Variants in KCNQ5 observed in about 807,000 individuals in gnomAD.
The protein encoded by KCNQ5 is potassium voltage-gated channel subfamily Q member 5.
Under a neutral mutation model 98.2 loss-of-function variants are expected in KCNQ5, and 30 were observed. That is an observed-to-expected ratio of 0.31 (90% CI 0.23 to 0.41). The LOEUF is 0.41. KCNQ5 is among the 10% of genes least tolerant of loss of function. The pLI, the probability that KCNQ5 is intolerant of heterozygous loss-of-function variation, is 1.00. For synonymous variants in KCNQ5, 458 were observed against 449.4 expected (o/e 1.02, Z -0.24); for missense variants, 835 against 1,182.5 (o/e 0.71, Z 4.31).
At chr6:72,899,868 C>T (rs1215470356) in intron 1 of KCNQ5, among the ~76,000 whole-genome samples, 1 of 151,128 alleles carries the variant, frequency 6.6e-6, no homozygotes, top group African/African-American at 2.4e-5. Context: ...TTTTCTGAGA[C>T]AGAGTCTCAC....
chr6:72,947,411 G>A (rs935477774), intron 1 of KCNQ5, among the ~76,000 whole-genome samples: 26 of 152,048 alleles, frequency 1.7e-4, no homozygotes, highest in African/African-American at 5.8e-4. Context: ...TAAACATAAC[G>A]GAGATACAAG....
intron 1 of KCNQ5, among the ~76,000 whole-genome samples, chr6:72,764,986 T>G (rs1177581444): frequency 6.6e-6 from 1 of 152,088 alleles, no homozygotes; most frequent in African/African-American, 2.4e-5. Flanking sequence ...TACTGTATTG[T>G]GTATATGTAC....
At chr6:73,144,793 G>A (rs956788173) in intron 10 of KCNQ5, among the ~76,000 whole-genome samples, 1 of 152,222 alleles carries the variant, frequency 6.6e-6, no homozygotes, top group East Asian at 1.9e-4. Flanking sequence ...TGCTCATGTG[G>A]TCTCTCATCC....
intron 11 of KCNQ5, among the ~76,000 whole-genome samples, chr6:73,183,836 G>C (rs1778482021): frequency 6.6e-6 from 1 of 152,184 alleles, no homozygotes. Context: ...CACAGAGTAT[G>C]ATGGCTAAAA....
rs548772153 is a variant in KCNQ5 at position 72,633,631 on chromosome 6, A to G, written c.398+11044A>G. On this transcript the variant is annotated intron_variant, in intron 1 of 13. Coordinates refer to ENST00000370398, the MANE Select transcript of KCNQ5 (RefSeq NM_019842.4). Reference sequence around the variant, plus strand: ...ACAAAGCTGGAGGCATCACTATCTGACTTCAAACTATAAGGCTATACCAAA... The same window carrying G: ...ACAAAGCTGGAGGCATCACTATCTGGCTTCAAACTATAAGGCTATACCAAA... 2.0e-5 allele frequency among the ~76,000 whole-genome samples: 3 copies of G among 152,362 alleles called. No individual in the cohort carries two copies. In the South Asian group the frequency reaches 6.2e-4, roughly 32 times the overall value.
At chr6:73,024,209 G>A (rs1770750803) in intron 2 of KCNQ5, among the ~76,000 whole-genome samples, 1 of 151,910 alleles carries the variant, frequency 6.6e-6, no homozygotes, top group Admixed American at 6.6e-5. Context: ...AAATACCTGA[G>A]CAGCAAATAT....
At chr6:72,704,755 C>A (rs1768989091) in intron 1 of KCNQ5, among the ~76,000 whole-genome samples, 1 of 151,972 alleles carries the variant, frequency 6.6e-6, no homozygotes, top group Non-Finnish European at 1.5e-5. Flanking sequence ...TATTGCAAAT[C>A]TTTTGATTTG....
At chr6:72,874,212 T>G (rs796325905) in intron 1 of KCNQ5, among the ~76,000 whole-genome samples, 1 of 152,034 alleles carries the variant, frequency 6.6e-6, no homozygotes, top group African/African-American at 2.4e-5. Flanking sequence ...TAAAGGAATA[T>G]CAGGGTTTTA....
chr6:72,682,875 A>G (rs1438012406), intron 1 of KCNQ5, among the ~76,000 whole-genome samples: 3 of 152,076 alleles, frequency 2.0e-5, no homozygotes, highest in African/African-American at 7.2e-5. Context: ...ACACTTACCA[A>G]AGAAAGAGGA....
intron 1 of KCNQ5, among the ~76,000 whole-genome samples, chr6:72,725,272 A>C (rs1323926739): frequency 6.6e-6 from 1 of 152,152 alleles, no homozygotes; most frequent in Non-Finnish European, 1.5e-5. Context: ...CAAATCTGTA[A>C]ACTCTTAATT....
intron 2 of KCNQ5, among the ~76,000 whole-genome samples, chr6:73,030,811 C>G (rs1407545906): frequency 6.6e-6 from 1 of 152,126 alleles, no homozygotes; most frequent in Non-Finnish European, 1.5e-5. Context: ...CCCTTTTCTC[C>G]TCTGAAAGCC....
At chr6:73,055,945 C>T in intron 3 of KCNQ5, 2 of 431,332 alleles carry the variant, frequency 4.6e-6, no homozygotes, top group Non-Finnish European at 9.0e-6. Flanking sequence ...CTATAGACAT[C>T]TTGAGTTGCA....
In KCNQ5 at chr6:72,824,850, C is replaced by T. The variant is rs1032171663; in HGVS notation, c.399-179058C>T. ...TACTATAGATTATAAAATTTGGATA[C>T]GTAAATAGTCATCCCACTTATTTCT... On this transcript the variant is annotated intron_variant, in intron 1 of 13. Transcript: ENST00000370398. Among the ~76,000 whole-genome samples the T allele has an allele frequency of 4.6e-5, 7 of 151,698 alleles. No homozygotes were observed. The South Asian group carries it at 8.3e-4, about 18-fold the overall frequency.
chr6:72,811,749 C>T (rs143775837), intron 1 of KCNQ5, among the ~76,000 whole-genome samples: 1 of 152,280 alleles, frequency 6.6e-6, no homozygotes, highest in African/African-American at 2.4e-5. Flanking sequence ...GGTCCCAGTT[C>T]AGACCCCTAA....
At chr6:72,785,726 T>C (rs1055286588) in intron 1 of KCNQ5, among the ~76,000 whole-genome samples, 5 of 151,966 alleles carry the variant, frequency 3.3e-5, no homozygotes, top group African/African-American at 1.2e-4. Context: ...GCAGAATTTG[T>C]GTATTTTTCT....
intron 1 of KCNQ5, among the ~76,000 whole-genome samples, chr6:72,678,855 A>G (rs1767552861): frequency 6.6e-6 from 1 of 152,182 alleles, no homozygotes; most frequent in African/African-American, 2.4e-5. Context: ...TTTTGACTCA[A>G]CTTCTTTCCA....
At chr6:72,922,794 C>CTTCCTT (rs1780460892) in intron 1 of KCNQ5, among the ~76,000 whole-genome samples, 1 of 113,908 alleles carries the variant, frequency 8.8e-6, no homozygotes, top group Admixed American at 1.0e-4. Flanking sequence ...ACCTTTCTTT[C>CTTCCTT]TTTCTTTTTC....
rs1445683452 is a variant in KCNQ5 at position 72,801,570 on chromosome 6, C to G, written c.398+178983C>G. Among the ~76,000 whole-genome samples the G allele has an allele frequency of 3.1e-5, 4 of 128,920 alleles. No individual in the cohort carries two copies. In the East Asian group the frequency reaches 6.4e-4, roughly 21 times the overall value. The allele number at this position is 128,920 out of a possible 152,430, so 84.6% of individuals were successfully genotyped here. On this transcript the variant is annotated intron_variant, in intron 1 of 13. Transcript: ENST00000370398. The stretch of plus-strand genomic sequence containing the variant: ...AATACAGCACACTGATGGGTCTTGA[C>G]TCTTTATCCAATTTGCCAGTCTGTG...
chr6:73,135,995 A>G (rs1488439945), intron 10 of KCNQ5: 1 of 152,214 alleles, frequency 6.6e-6, no homozygotes, highest in Non-Finnish European at 1.5e-5. Flanking sequence ...TAAAGACCCT[A>G]TCTCCAAACA....
Sources: allele counts gnomAD v4.1 joint callset (sites outside exome capture counted in the v4.1 genomes callset), GRCh38; gene constraint gnomAD v4.1.1; transcripts MANE v1.5; gene names NCBI Gene and HGNC (gene_info 2026-07-23, HGNC 2026-07-21).